CHSY1: variants seen among roughly 807,000 people sequenced by gnomAD.
CHSY1 encodes N-acetylgalactosaminyl-proteoglycan 3-beta-glucuronosyltransferase 1.
CHSY1 carries 13 observed loss-of-function variants against 59.8 expected under a neutral mutation model. The ratio of observed to expected loss-of-function variants is 0.22; its 90% CI spans 0.14 to 0.35. The LOEUF (loss-of-function observed/expected upper bound fraction) is 0.35. Among genes scored for constraint, CHSY1 ranks in the 10% least tolerant of loss-of-function variants. CHSY1 has a pLI of 1.00. For missense variants in CHSY1, 947 were observed against 1,030.6 expected, an observed-to-expected ratio of 0.92 and a Z score of 1.11; for synonymous variants, 459 against 401.2, an observed-to-expected ratio of 1.14 and a Z score of -1.72.
chr15:101,179,089 C>T, intron 2 of CHSY1, 109 bp from the exon 3 acceptor site: 2 of 1,071,724 alleles, frequency 1.9e-6, no homozygotes, highest in South Asian at 2.6e-5. Context: ...GACCACAGCA[C>T]ACAAAAGGCC....
rs766408678 is a variant in CHSY1 at position 101,178,487 on chromosome 15, C to T, written c.1310G>A (p.Arg437His). 34 of 1,614,108 alleles carry T rather than the reference C, an allele frequency of 2.1e-5. No homozygotes were observed. Among genetic ancestry groups the T allele is most frequent in the East Asian group, 1.1e-4 (5 of 44,896 alleles). The change falls in exon 3 of 3, where the codon CGC (arginine) becomes CAC (histidine). Residue 437 changes from arginine to histidine, a missense_variant. By Grantham distance (29) the Arg-to-His change is conservative. This residue lies in a region of CHSY1 where 602 missense variants were observed against 676.9 expected (regional missense o/e 0.89). Transcript: ENST00000254190. ...IDFKEIQYGY[R>H]RVNPMYGAEY... Reference sequence around the variant, plus strand: ...AGCCCCATACATGGGGTTCACCCGGCGGTAGCCGTACTGGATCTCTTTGAA... The same window carrying T: ...AGCCCCATACATGGGGTTCACCCGGTGGTAGCCGTACTGGATCTCTTTGAA...
intron 2 of CHSY1, among the ~76,000 whole-genome samples, chr15:101,181,888 TTA>T (rs1397870260): frequency 1.3e-5 from 2 of 152,200 alleles, no homozygotes; most frequent in African/African-American, 4.8e-5. Context: ...ACTGGAAGTC[TTA>T]TCAATAACAA....
intron 2 of CHSY1, among the ~76,000 whole-genome samples, chr15:101,214,715 G>T (rs2038714912): frequency 2.2e-5 from 1 of 46,020 alleles, no homozygotes; most frequent in South Asian, 1.1e-3. Flanking sequence ...GTGGGAGGTG[G>T]CTGGATCATG....
At chr15:101,237,074 T>C (rs1275162986) in intron 1 of CHSY1, among the ~76,000 whole-genome samples, 2 of 150,050 alleles carry the variant, frequency 1.3e-5, no homozygotes, top group African/African-American at 4.9e-5. Context: ...AAATACAAAA[T>C]TTAGCCAGGC....
In CHSY1 at chr15:101,178,781, A is replaced by T; in HGVS notation, c.1016T>A (p.Val339Asp). The T allele has an allele frequency of 6.2e-7, 1 of 1,614,134 alleles. No homozygotes were observed. Among genetic ancestry groups the T allele is most frequent in the Non-Finnish European group, 8.5e-7 (1 of 1,180,042 alleles). Residue 339 changes from valine to aspartate, a missense_variant, in exon 3 of 3, where the codon GTC (valine) becomes GAC (aspartate). By Grantham distance (152) the Val-to-Asp change is radical. Around this residue, in one of 4 missense-constraint regions of CHSY1, gnomAD observed 602 missense variants for 676.9 expected, o/e 0.89. Coordinates refer to ENST00000254190, the MANE Select transcript of CHSY1 (RefSeq NM_014918.5). ...TGTGTTGCTGTATTTGCTCATCAGG[A>T]CAATTTCGCGGTGCAGCTGTATTGT... ...HRTIQLHREI[V>D]LMSKYSNTEI...
At chr15:101,240,318 T>C (rs1396352107) in intron 1 of CHSY1, among the ~76,000 whole-genome samples, 1 of 152,194 alleles carries the variant, frequency 6.6e-6, no homozygotes, top group Non-Finnish European at 1.5e-5. Flanking sequence ...TTCAAATAAT[T>C]GAAGGGAATG....
chr15:101,210,466 A>G (rs1339912950), intron 2 of CHSY1, among the ~76,000 whole-genome samples: 2 of 152,220 alleles, frequency 1.3e-5, no homozygotes, highest in African/African-American at 4.8e-5. Context: ...CTCAAATCCT[A>G]TTTTCTTGAG....
At chr15:101,216,095 T>C (rs745665524) in intron 2 of CHSY1, among the ~76,000 whole-genome samples, 35 of 151,848 alleles carry the variant, frequency 2.3e-4, no homozygotes, top group Non-Finnish European at 2.9e-5. Context: ...CTTGCCCAAA[T>C]TATAAACAGC....
rs781338992 is a variant in CHSY1, at chr15:101,176,240, G to A, written c.*1148C>T. On this transcript the variant is annotated 3_prime_UTR_variant, in exon 3 of 3. Coordinates refer to ENST00000254190, the MANE Select transcript of CHSY1 (RefSeq NM_014918.5). ...AACAACAGATATTAAATAAATTAAAGGTATTTCAGATACAAAGGATAAAAC... is the reference window on the plus strand; with the variant it reads ...AACAACAGATATTAAATAAATTAAAAGTATTTCAGATACAAAGGATAAAAC... The A allele has an allele frequency of 2.1e-4, 83 of 398,026 alleles. No individual in the cohort carries two copies. Among genetic ancestry groups the A allele is most frequent in the Admixed American group, 6.2e-4 (14 of 22,656 alleles). 24.7% of individuals were successfully genotyped at this position (398,026 alleles called of 1,614,324 possible).
intron 2 of CHSY1, among the ~76,000 whole-genome samples, chr15:101,209,978 C>T (rs929107759): frequency 7.9e-5 from 12 of 152,162 alleles, no homozygotes; most frequent in South Asian, 4.1e-4. Flanking sequence ...AAGTTAGTGT[C>T]GTTAAAATAC....
chr15:101,247,396 C>T (rs1244179606), intron 1 of CHSY1, among the ~76,000 whole-genome samples: 1 of 152,178 alleles, frequency 6.6e-6, no homozygotes, highest in African/African-American at 2.4e-5. Context: ...GACACACTTG[C>T]CCTGCCCCAA....
intron 2 of CHSY1, among the ~76,000 whole-genome samples, chr15:101,225,409 C>A (rs2141269372): frequency 6.6e-6 from 1 of 152,262 alleles, no homozygotes; most frequent in Non-Finnish European, 1.5e-5. Context: ...TTTTAAAAGG[C>A]AGATTACCGT....
chr15:101,233,026 G>A (rs1162369661), intron 2 of CHSY1, among the ~76,000 whole-genome samples: 1 of 152,166 alleles, frequency 6.6e-6, no homozygotes, highest in Non-Finnish European at 1.5e-5. Context: ...CGGGGAGGAG[G>A]CCTCCTCACC....
At chr15:101,204,024 C>G (rs1283916536) in intron 2 of CHSY1, among the ~76,000 whole-genome samples, 1 of 152,188 alleles carries the variant, frequency 6.6e-6, no homozygotes, top group African/African-American at 2.4e-5. Flanking sequence ...GTTAATTTCC[C>G]TGATTTTGAT....
At chr15:101,203,653 G>A (rs1489990064) in intron 2 of CHSY1, among the ~76,000 whole-genome samples, 1 of 152,144 alleles carries the variant, frequency 6.6e-6, no homozygotes, top group Non-Finnish European at 1.5e-5. Flanking sequence ...GAGGAGAATC[G>A]TGGCAAGAGA....
chr15:101,193,400 C>T (rs1438094001), intron 2 of CHSY1, among the ~76,000 whole-genome samples: 2 of 152,200 alleles, frequency 1.3e-5, no homozygotes, highest in Non-Finnish European at 2.9e-5. Flanking sequence ...CAGAGGGAAT[C>T]AACCTTGGAG....
intron 1 of CHSY1, among the ~76,000 whole-genome samples, chr15:101,248,142 T>C (rs527430617): frequency 6.6e-6 from 1 of 152,340 alleles, no homozygotes; most frequent in South Asian, 2.1e-4. Context: ...ATTTCCAAAC[T>C]AGAGTTCTAC....
intron 2 of CHSY1, chr15:101,188,143 C>A: frequency 2.0e-6 from 2 of 985,488 alleles, no homozygotes; most frequent in Non-Finnish European, 2.4e-6. Flanking sequence ...ATCACTGCTA[C>A]AGAGCGACAA....
In CHSY1 at chr15:101,238,122, A is replaced by G. The variant is rs569859381; in HGVS notation, c.321-2545T>C. On this transcript the variant is annotated intron_variant, in intron 1 of 2. Transcript: ENST00000254190. ...CATCTCTATATTGAAGGACAACTGC[A>G]TAAGTATCATATTGTTTTTTTTAAA... Among the ~76,000 whole-genome samples, 361 of 152,352 alleles carry G rather than the reference A, an allele frequency of 2.4e-3. 2 individuals carry two copies. The highest frequency in any genetic ancestry group is 8.5e-3 in the African/African-American group (352 of 41,580).
Sources: allele counts gnomAD v4.1 joint callset (sites outside exome capture counted in the v4.1 genomes callset), GRCh38; gene constraint gnomAD v4.1.1; regional missense constraint gnomAD v4.1.1; transcripts MANE v1.5; gene names NCBI Gene and HGNC (gene_info 2026-07-23, HGNC 2026-07-21).